OR10R2: variants seen among roughly 807,000 people sequenced by gnomAD.
The protein encoded by OR10R2 is olfactory receptor family 10 subfamily R member 2.
A neutral mutation model predicts 2.4 loss-of-function variants in OR10R2; 1 was observed. The ratio of observed to expected loss-of-function variants is 0.41; its 90% CI spans 0.15 to 1.95. The LOEUF (loss-of-function observed/expected upper bound fraction) is 1.95, where lower values mean the gene tolerates loss of function less well. Ranked by LOEUF, OR10R2 falls within the 30% of genes most tolerant of loss-of-function variation. The pLI is 0.30. For missense variants in OR10R2, 419 were observed against 373.0 expected, an observed-to-expected ratio of 1.12 and a Z score of -1.01; for synonymous variants, 166 against 144.8, an observed-to-expected ratio of 1.15 and a Z score of -1.05.
chr1:158,472,398 G>A (rs1656182577), intron 1 of OR10R2, 46 bp downstream of exon 1: 1 of 399,014 alleles, frequency 2.5e-6, no homozygotes, highest in East Asian at 3.6e-5. Flanking sequence ...AGACTAGCAG[G>A]AAGATGTGTA....
chr1:158,479,780 C>A, intron 1 of OR10R2, 158 bp from the exon 2 acceptor site: 1 of 702,798 alleles, frequency 1.4e-6, no homozygotes, highest in Non-Finnish European at 2.5e-6. Flanking sequence ...AAGAAGAGGA[C>A]CATGAACCAA....
exon 2 of OR10R2, chr1:158,480,457 G>A: frequency 6.2e-7 from 1 of 1,613,938 alleles, no homozygotes; most frequent in South Asian, 1.1e-5. Context: ...CGCCAACAAA[G>A]TCAATCATTA....
rs568725268 is a variant in OR10R2, at chr1:158,474,296, A to G, written c.27+1944A>G. The stretch of plus-strand genomic sequence containing the variant: ...GCTGCCCAAATCACTCTGGAAAATA[A>G]TCTCCTCCAATTGCCCTTCCCAAGT... On this transcript the variant is annotated intron_variant, in intron 1 of 1. Transcript: ENST00000641067. Among the ~76,000 whole-genome samples, 16 of 152,232 alleles carry G rather than the reference A, an allele frequency of 1.1e-4. 1 individual carries two copies. The highest frequency in any genetic ancestry group is 3.4e-3 in the Middle Eastern group (1 of 294).
Position 158,480,367 on chromosome 1 carries a change from CT to C in OR10R2, c.458del (p.Leu153ArgfsTer16). The C allele has an allele frequency of 1.2e-6, 2 of 1,614,106 alleles. No homozygotes were observed. The highest frequency in any genetic ancestry group is 4.5e-5 in the East Asian group (2 of 44,878). ...TATGAGCTGGCAGGTGTGTGGAAAACTGGCAGCTGCCTGTGCAATTGGTGGC... is the reference window on the plus strand; with the variant it reads ...TATGAGCTGGCAGGTGTGTGGAAAACGGCAGCTGCCTGTGCAATTGGTGGC... On this transcript the variant is annotated frameshift_variant, in exon 2 of 2. Coordinates refer to ENST00000641067, the Ensembl canonical transcript of OR10R2. LOFTEE classifies it low-confidence loss of function (END_TRUNC).
At chr1:158,478,730 G>A (rs551391854) in intron 1 of OR10R2, among the ~76,000 whole-genome samples, 1 of 152,164 alleles carries the variant, frequency 6.6e-6, no homozygotes, top group African/African-American at 2.4e-5. Context: ...TGATGGGTAA[G>A]GAAAGAAGGA....
chr1:158,475,769 T>C (rs2101672901), intron 1 of OR10R2, among the ~76,000 whole-genome samples: 1 of 151,852 alleles, frequency 6.6e-6, no homozygotes, highest in Admixed American at 6.5e-5. Context: ...TCATTATTGT[T>C]TACGTTTAGC....
intron 1 of OR10R2, among the ~76,000 whole-genome samples, chr1:158,473,759 C>CCTTCCTTCCTTCCTT (rs1557874928): frequency 3.6e-5 from 1 of 27,820 alleles, no homozygotes; most frequent in African/African-American, 2.3e-4. Context: ...CTTTCTTTAT[C>CCTTCCTTCCTTCCTT]CTTCCTTCCT....
At chr1:158,478,685 G>T (rs2101674905) in intron 1 of OR10R2, among the ~76,000 whole-genome samples, 1 of 152,154 alleles carries the variant, frequency 6.6e-6, no homozygotes, top group Non-Finnish European at 1.5e-5. Flanking sequence ...TTTATTTAAG[G>T]CATGCTGGAC....
chr1:158,478,720 T>C (rs924082918), intron 1 of OR10R2, among the ~76,000 whole-genome samples: 3 of 152,142 alleles, frequency 2.0e-5, no homozygotes, highest in African/African-American at 4.8e-5. Context: ...TAGATGAAGA[T>C]GATGGGTAAG....
exon 2 of OR10R2, chr1:158,480,413 T>C (rs755575865): frequency 1.2e-6 from 2 of 1,613,926 alleles, no homozygotes; most frequent in African/African-American, 2.7e-5. Flanking sequence ...TCTCTTACAG[T>C]AGTAAATTTA....
In OR10R2 at chr1:158,480,171, A is replaced by G. The variant is rs780620260; in HGVS notation, c.261A>G (p.Leu87=). 6.2e-6 allele frequency: 10 copies of G among 1,613,774 alleles called. No homozygotes were observed. In the African/African-American group the frequency reaches 6.7e-5, roughly 11 times the overall value. ...AGACCTTCTACACCTTTGTCATTCT[A>G]CCCAAGATGCTCATCAATCTACTTT... The change falls in exon 2 of 2, where the codon CTA becomes CTG. Residue 87 remains leucine (L), a synonymous_variant. Coordinates refer to ENST00000641067, the Ensembl canonical transcript of OR10R2.
chr1:158,480,376 G>T lies in OR10R2; in HGVS notation c.466G>T (p.Ala156Ser), dbSNP rs771886913. 1.3e-5 allele frequency: 21 copies of T among 1,614,028 alleles called. 1 individual carries two copies. The East Asian group carries it at 4.0e-4, about 31-fold the overall frequency. The change falls in exon 2 of 2, where the codon GCC becomes TCC. Residue 156 changes from alanine to serine, a missense_variant. Physicochemically the swap from Ala to Ser is moderately conservative, Grantham distance 99. Coordinates refer to ENST00000641067, the Ensembl canonical transcript of OR10R2. Reference sequence around the variant, plus strand: ...GCAGGTGTGTGGAAAACTGGCAGCTGCCTGTGCAATTGGTGGCTTCTTGGC... The same window carrying T: ...GCAGGTGTGTGGAAAACTGGCAGCTTCCTGTGCAATTGGTGGCTTCTTGGC...
intron 1 of OR10R2, among the ~76,000 whole-genome samples, chr1:158,475,905 A>G (rs925927194): frequency 2.0e-5 from 3 of 151,950 alleles, no homozygotes; most frequent in African/African-American, 7.2e-5. Context: ...TGTATTAAAG[A>G]TGTATTTATT....
chr1:158,473,220 C>A (rs898196631), intron 1 of OR10R2, among the ~76,000 whole-genome samples: 3 of 152,116 alleles, frequency 2.0e-5, no homozygotes, highest in Admixed American at 6.5e-5. Flanking sequence ...TTGCTAGAAA[C>A]TCTGATGCTG....
At chr1:158,478,634 G>T (rs1347073937) in intron 1 of OR10R2, among the ~76,000 whole-genome samples, 1 of 152,112 alleles carries the variant, frequency 6.6e-6, no homozygotes, top group African/African-American at 2.4e-5. Flanking sequence ...CCTAAAAGCA[G>T]TTTATGTATC....
exon 1 of OR10R2, chr1:158,472,302 T>C (rs113366022): frequency 3.0e-5 from 12 of 398,990 alleles, no homozygotes; most frequent in African/African-American, 1.8e-4. Context: ...CTGTAGCTGA[T>C]CCAGCCCATA....
At chr1:158,473,979 T>G (rs955406074) in intron 1 of OR10R2, among the ~76,000 whole-genome samples, 2 of 150,932 alleles carry the variant, frequency 1.3e-5, no homozygotes, top group African/African-American at 4.9e-5. Flanking sequence ...CTTTTCTTTC[T>G]TTTTTCTTTT....
chr1:158,479,476 G>T lies in OR10R2; in HGVS notation c.28-462G>T, dbSNP rs551428530. Among the ~76,000 whole-genome samples, 15 of 152,108 alleles carry T rather than the reference G, an allele frequency of 9.9e-5. 1 individual carries two copies. In the South Asian group the frequency reaches 3.1e-3, roughly 32 times the overall value. On this transcript the variant is annotated intron_variant, in intron 1 of 1. Transcript: ENST00000641067. ...TGACACTAAGCTTTTTTATGATATTGTGAATTGAATTGTTTTCTTAATATC... is the reference window on the plus strand; with the variant it reads ...TGACACTAAGCTTTTTTATGATATTTTGAATTGAATTGTTTTCTTAATATC...
intron 1 of OR10R2, among the ~76,000 whole-genome samples, chr1:158,478,508 T>A (rs1361167674): frequency 1.3e-5 from 2 of 152,198 alleles, no homozygotes; most frequent in Non-Finnish European, 2.9e-5. Context: ...TTTAATTAAC[T>A]GTTACTAGAA....
Sources: allele counts gnomAD v4.1 joint callset (sites outside exome capture counted in the v4.1 genomes callset), GRCh38; gene constraint gnomAD v4.1.1; transcripts MANE v1.5; gene names NCBI Gene and HGNC (gene_info 2026-07-23, HGNC 2026-07-21).